SRF: variants seen among roughly 807,000 people sequenced by gnomAD.
The protein encoded by SRF is c-fos serum response element-binding transcription factor.
Under a neutral mutation model 37.1 loss-of-function variants are expected in SRF, and 7 were observed. The observed-to-expected ratio is 0.19, with a 90% CI of 0.11 to 0.35. SRF has a LOEUF of 0.35. SRF is among the 10% of genes least tolerant of loss of function. The pLI is 1.00. For synonymous variants in SRF, 285 were observed against 310.1 expected, an observed-to-expected ratio of 0.92 and a Z score of 0.85; for missense variants, 395 against 694.4, an observed-to-expected ratio of 0.57 and a Z score of 4.85.
Position 43,179,200 on chromosome 6 carries a change from C to T in SRF, c.*10C>T, listed in dbSNP as rs370939499. 250 of 1,614,084 alleles carry T rather than the reference C, an allele frequency of 1.5e-4. No individual in the cohort carries two copies. Among genetic ancestry groups the T allele is most frequent in the Middle Eastern group, 4.9e-4 (3 of 6,062 alleles). On this transcript the variant is annotated 3_prime_UTR_variant, in exon 7 of 7. Transcript: ENST00000265354. The surrounding 1 kb of genome is among the most constrained non-coding windows in gnomAD (Gnocchi z 5.3). ...CACCAAGAGTGAATGATCCGCCCGCCGCCCTGGACAGATGGCCCAAGGGAT... is the reference window on the plus strand; with the variant it reads ...CACCAAGAGTGAATGATCCGCCCGCTGCCCTGGACAGATGGCCCAAGGGAT...
In SRF at chr6:43,171,859, C is replaced by T; in HGVS notation, c.203C>T (p.Pro68Leu). The T allele has an allele frequency of 7.6e-7, 1 of 1,308,842 alleles. No homozygotes were observed. Among genetic ancestry groups the T allele is most frequent in the Non-Finnish European group, 9.7e-7 (1 of 1,031,382 alleles). 81.1% of individuals were successfully genotyped at this position (1,308,842 alleles called of 1,614,324 possible). A position where few individuals can be genotyped will look rare whatever the true frequency, so the allele number is the denominator to read the frequency against. Residue 68 changes from proline (P) to leucine (L), a missense_variant, in exon 1 of 7, where the codon CCG becomes CTG. This residue lies in a region of SRF where 134 missense variants were observed against 204.5 expected (regional missense o/e 0.66). Transcript: ENST00000265354. The surrounding 1 kb of genome is among the most constrained non-coding windows in gnomAD (Gnocchi z 6.5). ...GCTGCGGCAGCGGCGGCAACCACCC[C>T]GGCGCCCACCGCGGGGGCCCTCTAC... ...REAAAAAATT[P>L]APTAGALYSG...
At position 43,178,730 on chromosome 6, in the gene SRF, G is replaced by A. The variant is rs1306744191; in HGVS notation, c.1355-76G>A. 4.0e-6 allele frequency: 6 copies of A among 1,494,850 alleles called. No homozygotes were observed. The highest frequency in any genetic ancestry group is 3.4e-5 in the South Asian group (3 of 88,730). 92.6% of individuals were successfully genotyped at this position (1,494,850 alleles called of 1,614,324 possible). ...ATCTGAGACTGCCCCAGTCACTTGT[G>A]CATTTGACACCACTCCTCCAATATC... is the stretch of plus-strand genomic sequence containing the variant. On this transcript the variant is annotated intron_variant, in intron 5 of 6. Transcript: ENST00000265354. The surrounding 1 kb of genome is among the most constrained non-coding windows in gnomAD (Gnocchi z 4.3).
At chr6:43,175,524 C>T (rs541002303) in intron 2 of SRF, among the ~76,000 whole-genome samples, 182 bp from the exon 3 acceptor site, 2 of 152,198 alleles carry the variant, frequency 1.3e-5, no homozygotes, top group South Asian at 2.1e-4. Flanking sequence ...CTCCTTTTAC[C>T]GATAGAAAAC....
rs1772246499 is a variant in SRF at position 43,178,488 on chromosome 6, G to A, written c.1354+3G>A. 1 of 1,612,090 alleles carries A rather than the reference G, an allele frequency of 6.2e-7. No individual in the cohort carries two copies. The highest frequency in any genetic ancestry group is 8.5e-7 in the Non-Finnish European group (1 of 1,178,498). On this transcript the variant is annotated splice_donor_region_variant and intron_variant, in intron 5 of 6. Coordinates refer to ENST00000265354, the MANE Select transcript of SRF (RefSeq NM_003131.4). This position sits in a 1 kb window ranked among gnomAD's most constrained non-coding sequence, Gnocchi z 4.3. ...ACACAGCCAGGTCCAGGAGCCAGGT[G>A]AGTAGAGGAGCAGGGCTAAGGAAAG...
At position 43,178,910 on chromosome 6, in the gene SRF, C is replaced by T; in HGVS notation, c.1431+28C>T. On this transcript the variant is annotated intron_variant, in intron 6 of 6. Coordinates refer to ENST00000265354, the MANE Select transcript of SRF (RefSeq NM_003131.4). The surrounding 1 kb of genome is among the most constrained non-coding windows in gnomAD (Gnocchi z 4.3). The stretch of plus-strand genomic sequence containing the variant: ...AGGTAGGGATATCTTTCACCCCATC[C>T]CAGATAGCCACTTCTTTGTCTTGAC... 4 of 1,609,534 alleles carry T rather than the reference C, an allele frequency of 2.5e-6. No individual in the cohort carries two copies. The highest frequency in any genetic ancestry group is 3.4e-6 in the Non-Finnish European group (4 of 1,175,814).
rs749897577 is a variant in SRF at position 43,174,086 on chromosome 6, G to C, written c.753G>C (p.Ser251=). The C allele has an allele frequency of 6.2e-7, 1 of 1,614,066 alleles. No homozygotes were observed. Among genetic ancestry groups the C allele is most frequent in the Non-Finnish European group, 8.5e-7 (1 of 1,180,020 alleles). The stretch of plus-strand genomic sequence containing the variant: ...AGACAGATCTCACCTACCAGGTGTC[G>C]GAGTCTGACAGCAGTGGGGAGACCA... ...FEETDLTYQV[S]ESDSSGETKD... Residue 251 remains serine (S), a synonymous_variant, in exon 2 of 7, where the codon TCG becomes TCC. Coordinates refer to ENST00000265354, the MANE Select transcript of SRF (RefSeq NM_003131.4).
At position 43,176,110 on chromosome 6, in the gene SRF, C is replaced by G; in HGVS notation, c.1042+143C>G. On this transcript the variant is annotated intron_variant, in intron 3 of 6. Transcript: ENST00000265354. The surrounding 1 kb of genome is among the most constrained non-coding windows in gnomAD (Gnocchi z 4.0). ...AGGGGCCAGAGCCTGAGCGAAGCCT[C>G]TTATATCCCGTTGGCAGGCATACCT... The G allele has an allele frequency of 8.3e-7, 1 of 1,206,324 alleles. No homozygotes were observed. Among genetic ancestry groups the G allele is most frequent in the East Asian group, 2.6e-5 (1 of 39,174 alleles). 74.7% of individuals were successfully genotyped at this position (1,206,324 alleles called of 1,614,324 possible). A position where few individuals can be genotyped will look rare whatever the true frequency, so the allele number is the denominator to read the frequency against.
Position 43,174,341 on chromosome 6 carries a change from TC to T in SRF, c.780+231del, listed in dbSNP as rs1285990268. Among the ~76,000 whole-genome samples, 4 of 151,850 alleles carry T rather than the reference TC, an allele frequency of 2.6e-5. No individual in the cohort carries two copies. In the East Asian group the frequency reaches 5.8e-4, roughly 22 times the overall value. On this transcript the variant is annotated intron_variant, in intron 2 of 6. Coordinates refer to ENST00000265354, the MANE Select transcript of SRF (RefSeq NM_003131.4). ...GGCCGGCTTGGGCTCCACGCCGGCC[TC>T]CCGCCCGCAGCCCGCCTGCCTGGCA... is the stretch of plus-strand genomic sequence containing the variant.
At position 43,176,654 on chromosome 6, in the gene SRF, C is replaced by T; in HGVS notation, c.1149C>T (p.Ser383=). 1 of 1,614,142 alleles carries T rather than the reference C, an allele frequency of 6.2e-7. No individual in the cohort carries two copies. The highest frequency in any genetic ancestry group is 8.5e-7 in the Non-Finnish European group (1 of 1,179,994). Residue 383 remains serine, a synonymous_variant, in exon 4 of 7, where the codon TCC becomes TCT. Transcript: ENST00000265354. This position sits in a 1 kb window ranked among gnomAD's most constrained non-coding sequence, Gnocchi z 4.0. ...GCAGCACAGACCTCACGCAGACCTC[C>T]TCCAGCGGGACAGGTATAGCTCGCA... The part of the protein sequence containing the change: ...RDSSTDLTQT[S]SSGTVTLPAT...
rs774553319 is a variant in SRF at position 43,172,064 on chromosome 6, G to A, written c.408G>A (p.Pro136=). ...PVSGAVSGAK[P]GKKTRGRVKI... ...GCGGCGCGGTGAGCGGGGCCAAGCC[G>A]GGTAAGAAGACCCGGGGCCGCGTGA... is the stretch of plus-strand genomic sequence containing the variant. Residue 136 remains proline (P), a synonymous_variant, in exon 1 of 7, where the codon CCG becomes CCA. Coordinates refer to ENST00000265354, the MANE Select transcript of SRF (RefSeq NM_003131.4). This position sits in a 1 kb window ranked among gnomAD's most constrained non-coding sequence, Gnocchi z 5.7. 8.1e-6 allele frequency: 13 copies of A among 1,610,196 alleles called. No individual in the cohort carries two copies. In the South Asian group the frequency reaches 1.1e-4, roughly 14 times the overall value.
rs901733637 is a variant in SRF at position 43,172,567 on chromosome 6, G to A, written c.513+398G>A. The A allele has an allele frequency of 5.2e-5, 32 of 621,062 alleles. No homozygotes were observed. The highest frequency in any genetic ancestry group is 7.8e-4 in the Middle Eastern group (1 of 1,286). 38.5% of individuals were successfully genotyped at this position (621,062 alleles called of 1,614,324 possible). Reference sequence around the variant, plus strand: ...GACGAGGGCGCCGGAAAAGCAGGGAGCAAACGAGAAGGTATGGAGGTGAGG... The same window carrying A: ...GACGAGGGCGCCGGAAAAGCAGGGAACAAACGAGAAGGTATGGAGGTGAGG... On this transcript the variant is annotated intron_variant, in intron 1 of 6. Coordinates refer to ENST00000265354, the MANE Select transcript of SRF (RefSeq NM_003131.4). This position sits in a 1 kb window ranked among gnomAD's most constrained non-coding sequence, Gnocchi z 5.7.
At chr6:43,177,596 A>G (rs1772227263) in intron 4 of SRF, among the ~76,000 whole-genome samples, 1 of 151,098 alleles carries the variant, frequency 6.6e-6, no homozygotes. Context: ...CTTGTTTGAA[A>G]GATGAATTTG....
At chr6:43,174,223 A>G in intron 2 of SRF, 110 bp downstream of exon 2, 1 of 1,387,260 alleles carries the variant, frequency 7.2e-7, no homozygotes, top group Middle Eastern at 1.9e-4. Flanking sequence ...AGCCGGATTA[A>G]CGACCCTCGT....
chr6:43,174,375 T>A (rs1218975459), intron 2 of SRF, among the ~76,000 whole-genome samples: 1 of 152,184 alleles, frequency 6.6e-6, no homozygotes, highest in African/African-American at 2.4e-5. Flanking sequence ...GCAGGGCCTT[T>A]GCATTCCTCC....
rs59063320 is a variant in SRF at position 43,175,601 on chromosome 6, G to T, written c.781-105G>T. 7,395 of 1,496,858 alleles carry T rather than the reference G, an allele frequency of 4.9e-3. 293 individuals are homozygous for T. In the African/African-American group the frequency reaches 0.086, roughly 17 times the overall value. The allele number at this position is 1,496,858 out of a possible 1,614,324, so 92.7% of individuals were successfully genotyped here. A position where few individuals can be genotyped will look rare whatever the true frequency, so the allele number is the denominator to read the frequency against. ...CAGGTAAATGGTGGCGTTGGGATTT[G>T]AACCCAAGCTCACTGGTTTCAGTCT... is the stretch of plus-strand genomic sequence containing the variant. On this transcript the variant is annotated intron_variant, in intron 2 of 6. Transcript: ENST00000265354.
chr6:43,174,846 G>A (rs1772169361), intron 2 of SRF, among the ~76,000 whole-genome samples: 1 of 152,204 alleles, frequency 6.6e-6, no homozygotes. Flanking sequence ...GCCTCTGGTT[G>A]ACTCATTTCG....
At chr6:43,175,458 A>AT (rs532420531) in intron 2 of SRF, among the ~76,000 whole-genome samples, 243 of 152,290 alleles carry the variant, frequency 1.6e-3, no homozygotes, top group African/African-American at 5.6e-3. Flanking sequence ...TTTCTAAGTG[A>AT]TTTACATATG....
Position 43,179,373 on chromosome 6 carries a change from G to A in SRF, c.*183G>A, listed in dbSNP as rs577407564. The A allele has an allele frequency of 1.7e-5, 11 of 630,130 alleles. No individual in the cohort carries two copies. The highest frequency in any genetic ancestry group is 2.7e-5 in the Admixed American group (1 of 37,612). 39.0% of individuals were successfully genotyped at this position (630,130 alleles called of 1,614,324 possible). A position where few individuals can be genotyped will look rare whatever the true frequency, so the allele number is the denominator to read the frequency against. On this transcript the variant is annotated 3_prime_UTR_variant, in exon 7 of 7. Transcript: ENST00000265354. The surrounding 1 kb of genome is among the most constrained non-coding windows in gnomAD (Gnocchi z 5.3). Reference sequence around the variant, plus strand: ...GAAATGGGCCTGCCTGCCTCCACCCGTCCTCCCTCAGCCTCCCCTTCTTCC... The same window carrying A: ...GAAATGGGCCTGCCTGCCTCCACCCATCCTCCCTCAGCCTCCCCTTCTTCC...
Position 43,172,251 on chromosome 6 carries a change from CG to C in SRF, c.513+83del. On this transcript the variant is annotated intron_variant, in intron 1 of 6. Transcript: ENST00000265354. This position sits in a 1 kb window ranked among gnomAD's most constrained non-coding sequence, Gnocchi z 5.7. ...AGGGAGCCCGGGAGGACCGCAGAGCCGAGGCGGAGGTGAGAGGCTGCGAGTC... is the reference window on the plus strand; with the variant it reads ...AGGGAGCCCGGGAGGACCGCAGAGCCAGGCGGAGGTGAGAGGCTGCGAGTC... 1 of 1,521,146 alleles carries C rather than the reference CG, an allele frequency of 6.6e-7. No homozygotes were observed. The highest frequency in any genetic ancestry group is 8.8e-7 in the Non-Finnish European group (1 of 1,138,984). 94.2% of individuals were successfully genotyped at this position (1,521,146 alleles called of 1,614,324 possible). A position where few individuals can be genotyped will look rare whatever the true frequency, so the allele number is the denominator to read the frequency against.
Sources: gnomAD v4.1 joint callset for allele counts (sites outside exome capture counted in the v4.1 genomes callset) on GRCh38, gnomAD v4.1.1 for gene constraint, gnomAD v4.1.1 regional missense constraint, Gnocchi (gnomAD v3.1) non-coding constraint, MANE v1.5 for transcripts, NCBI Gene and HGNC (gene_info 2026-07-23, HGNC 2026-07-21) for gene names.